The following LIPI variants were observed in gnomAD, a reference collection of about 807,000 sequenced individuals.
The protein encoded by LIPI is lipase I, also known as lipase member I.
LIPI carries 59 observed loss-of-function variants against 50.6 expected under a neutral mutation model. That is an observed-to-expected ratio of 1.16 (90% CI 0.94 to 1.45). The LOEUF is 1.45. Among genes scored for constraint, LIPI ranks in the 40% most tolerant of loss-of-function variants. LIPI has a pLI of 0.00. For missense variants in LIPI, 586 were observed against 536.3 expected, an observed-to-expected ratio of 1.09 and a Z score of -0.92; for synonymous variants, 203 against 178.2, an observed-to-expected ratio of 1.14 and a Z score of -1.11.
At chr21:14,176,336 C>A (rs1375403805) in intron 4 of LIPI, among the ~76,000 whole-genome samples, 4 of 151,694 alleles carry the variant, frequency 2.6e-5, no homozygotes, top group Middle Eastern at 3.4e-3. Context: ...TTGCTTCTTT[C>A]TCCATTTCTG....
At chr21:14,208,974 C>T (rs1039732904) in intron 1 of LIPI, among the ~76,000 whole-genome samples, 11 of 152,062 alleles carry the variant, frequency 7.2e-5, no homozygotes, top group Admixed American at 5.2e-4. Context: ...TTTCTTGAAC[C>T]TAGGAGGTCG....
chr21:14,122,875 T>C (rs1358772543), intron 9 of LIPI, among the ~76,000 whole-genome samples: 1 of 152,216 alleles, frequency 6.6e-6, no homozygotes, highest in Admixed American at 6.5e-5. Context: ...AAAGTTCAAG[T>C]CAGTCCAATG....
At chr21:14,153,794 C>T (rs949049535) in intron 7 of LIPI, among the ~76,000 whole-genome samples, 5 of 152,052 alleles carry the variant, frequency 3.3e-5, no homozygotes, top group Admixed American at 6.6e-5. Context: ...AATTGAAATT[C>T]CCTGACCCAT....
chr21:14,151,866 C>T (rs1370928000), intron 8 of LIPI, among the ~76,000 whole-genome samples: 1 of 151,818 alleles, frequency 6.6e-6, no homozygotes, highest in Non-Finnish European at 1.5e-5. Flanking sequence ...CAAAACCCTC[C>T]CCTATTGTTT....
At chr21:14,188,764 AT>A (rs1387090797) in intron 2 of LIPI, among the ~76,000 whole-genome samples, 3 of 152,088 alleles carry the variant, frequency 2.0e-5, no homozygotes, top group Non-Finnish European at 4.4e-5. Context: ...ATCTCAGAAG[AT>A]TTTTAAATAA....
chr21:14,156,956 T>C (rs1308751693), intron 7 of LIPI, among the ~76,000 whole-genome samples: 1 of 151,882 alleles, frequency 6.6e-6, no homozygotes, highest in Non-Finnish European at 1.5e-5. Context: ...ATTAGAAATA[T>C]ATTATTGGAA....
At chr21:14,126,612 C>G (rs1025770682) in intron 9 of LIPI, among the ~76,000 whole-genome samples, 3 of 152,208 alleles carry the variant, frequency 2.0e-5, no homozygotes, top group East Asian at 3.9e-4. Context: ...AGTATAGCAA[C>G]TATTTATATA....
At chr21:14,172,040 T>C (rs1036679735) in intron 4 of LIPI, among the ~76,000 whole-genome samples, 3 of 151,610 alleles carry the variant, frequency 2.0e-5, no homozygotes, top group Non-Finnish European at 4.4e-5. Flanking sequence ...AACAACCCCA[T>C]CAAAAAATGG....
chr21:14,145,421 C>T (rs902161865), intron 8 of LIPI, among the ~76,000 whole-genome samples: 1 of 152,130 alleles, frequency 6.6e-6, no homozygotes, highest in East Asian at 1.9e-4. Context: ...GCTAATAATG[C>T]TCCTCACTGC....
At chr21:14,200,921 T>G (rs375812547) in intron 1 of LIPI, among the ~76,000 whole-genome samples, 3 of 152,010 alleles carry the variant, frequency 2.0e-5, no homozygotes, top group East Asian at 3.9e-4. Flanking sequence ...AGCAGACACA[T>G]AAACCAGTGG....
intron 7 of LIPI, among the ~76,000 whole-genome samples, chr21:14,158,773 A>C (rs991489285): frequency 1.3e-5 from 2 of 150,996 alleles, no homozygotes; most frequent in Non-Finnish European, 3.0e-5. Context: ...CAAAATAAAA[A>C]GAATCAAGAC....
At chr21:14,125,930 C>T (rs1427373787) in intron 9 of LIPI, among the ~76,000 whole-genome samples, 1 of 151,830 alleles carries the variant, frequency 6.6e-6, no homozygotes, top group Non-Finnish European at 1.5e-5. Flanking sequence ...AATTAAATGG[C>T]AGAGATCATC....
At chr21:14,188,909 A>C in intron 2 of LIPI, 125 bp downstream of exon 2, 1 of 842,858 alleles carries the variant, frequency 1.2e-6, no homozygotes, top group Non-Finnish European at 1.9e-6. Context: ...GTAATTGTTA[A>C]TGCTTATGGG....
intron 9 of LIPI, among the ~76,000 whole-genome samples, chr21:14,113,536 A>G (rs1237045391): frequency 6.6e-6 from 1 of 151,904 alleles, no homozygotes; most frequent in Non-Finnish European, 1.5e-5. Flanking sequence ...CAAAGCTATC[A>G]TCACACTGTT....
intron 4 of LIPI, among the ~76,000 whole-genome samples, chr21:14,171,002 G>T (rs1188819398): frequency 2.0e-5 from 3 of 151,262 alleles, no homozygotes. Flanking sequence ...AAGCTGATAA[G>T]CAACTTCAGC....
intron 7 of LIPI, among the ~76,000 whole-genome samples, chr21:14,155,133 G>A (rs189611560): frequency 6.6e-6 from 1 of 151,946 alleles, no homozygotes; most frequent in East Asian, 1.9e-4. Flanking sequence ...CAGAAACAAA[G>A]GTGGCTCCAT....
intron 1 of LIPI, among the ~76,000 whole-genome samples, chr21:14,203,388 C>A (rs7284055): frequency 6.6e-6 from 1 of 151,364 alleles, no homozygotes; most frequent in African/African-American, 2.4e-5. Context: ...TACACACTTA[C>A]GTTTATTGCA....
intron 9 of LIPI, among the ~76,000 whole-genome samples, chr21:14,118,522 G>A (rs74636647): frequency 6.6e-6 from 1 of 152,208 alleles, no homozygotes; most frequent in African/African-American, 2.4e-5. Flanking sequence ...TGCAGGCTCA[G>A]ATCTCCTTTA....
At chr21:14,178,365 A>C (rs2019161708) in intron 4 of LIPI, among the ~76,000 whole-genome samples, 2 of 152,020 alleles carry the variant, frequency 1.3e-5, no homozygotes, top group South Asian at 4.1e-4. Flanking sequence ...GCATCTCTTA[A>C]CTGTTGGTCT....
Sources: allele counts gnomAD v4.1 joint callset (sites outside exome capture counted in the v4.1 genomes callset), GRCh38; gene constraint gnomAD v4.1.1; transcripts MANE v1.5; gene names NCBI Gene and HGNC (gene_info 2026-07-23, HGNC 2026-07-21).